The following PCDHGB6 variants were observed in gnomAD, a reference collection of about 807,000 sequenced individuals.
PCDHGB6 encodes the protein protocadherin gamma-B6.
A neutral mutation model predicts 59.1 loss-of-function variants in PCDHGB6; 51 were observed. The observed-to-expected ratio is 0.86, with a 90% CI of 0.69 to 1.09. The LOEUF is 1.09. Among genes scored for constraint, PCDHGB6 ranks in the 50% least tolerant of loss-of-function variants. The probability of loss-of-function intolerance (pLI) is 0.00; values close to 1 mark genes in which losing one functional copy is unlikely to be tolerated. For synonymous variants in PCDHGB6, 466 were observed against 495.1 expected (o/e 0.94, Z 0.78); for missense variants, 1,148 against 1,205.1 (o/e 0.95, Z 0.70).
At chr5:141,418,800 G>A in intron 1 of PCDHGB6, 1 of 1,613,800 alleles carries the variant, frequency 6.2e-7, no homozygotes, top group African/African-American at 1.3e-5. Context: ...GAAGTAGAAA[G>A]ATATACGATA....
chr5:141,436,240 G>A (rs192988618), intron 1 of PCDHGB6, among the ~76,000 whole-genome samples: 2 of 152,200 alleles, frequency 1.3e-5, no homozygotes, highest in East Asian at 3.9e-4. Flanking sequence ...AGCTAACATG[G>A]TCTAATTATT....
At chr5:141,494,524 C>T (rs2099754936) in intron 1 of PCDHGB6, among the ~76,000 whole-genome samples, 1 of 152,156 alleles carries the variant, frequency 6.6e-6, no homozygotes, top group African/African-American at 2.4e-5. Flanking sequence ...GGAGTTCTGA[C>T]TCTGGGGGCA....
chr5:141,410,793 G>T, intron 1 of PCDHGB6, 173 bp downstream of exon 1: 2 of 637,704 alleles, frequency 3.1e-6, no homozygotes, highest in Admixed American at 4.3e-5. Flanking sequence ...TGGTTCATAA[G>T]TTGCTCTATC....
chr5:141,491,598 C>T lies in PCDHGB6; in HGVS notation c.2419-3209C>T, dbSNP rs1410472886. On this transcript the variant is annotated intron_variant, in intron 1 of 3. Transcript: ENST00000520790. This position sits in a 1 kb window ranked among gnomAD's most constrained non-coding sequence, Gnocchi z 6.9. ...TTTCACCGGCCTCGGACGGCAGTGA[C>T]TTCACTTTTCTAAGACCCCTCAGCG... 1.4e-5 allele frequency: 22 copies of T among 1,613,872 alleles called. No homozygotes were observed. The highest frequency in any genetic ancestry group is 1.8e-5 in the Non-Finnish European group (21 of 1,180,048).
In PCDHGB6 at chr5:141,476,299, C is replaced by T; in HGVS notation, c.2419-18508C>T. ...ACCTTGGTTTGGATCTCGGTAGCCT[C>T]TCAGCCCGCAGGTTCCGGGTGGTGT... On this transcript the variant is annotated intron_variant, in intron 1 of 3. Transcript: ENST00000520790. The surrounding 1 kb of genome is among the most constrained non-coding windows in gnomAD (Gnocchi z 7.6). The T allele has an allele frequency of 6.2e-7, 1 of 1,614,100 alleles. No individual in the cohort carries two copies. The highest frequency in any genetic ancestry group is 1.1e-5 in the South Asian group (1 of 91,074).
In PCDHGB6 at chr5:141,409,017, G is replaced by T. The variant is rs745981387; in HGVS notation, c.815G>T (p.Gly272Val). 5 of 1,613,840 alleles carry T rather than the reference G, an allele frequency of 3.1e-6. No individual in the cohort carries two copies. Among genetic ancestry groups the T allele is most frequent in the Non-Finnish European group, 4.2e-6 (5 of 1,179,894 alleles). The change falls in exon 1 of 4, where the codon GGG (glycine) becomes GTG (valine). Residue 272 changes from glycine to valine, a missense_variant. This residue lies in a region of PCDHGB6 where 549 missense variants were observed against 527.5 expected (regional missense o/e 1.04). Transcript: ENST00000520790. ...LQVTATDQDEGVNAEINYYFR... is the reference protein window; with the variant it reads ...LQVTATDQDEVVNAEINYYFR... Reference sequence around the variant, plus strand: ...GTGACAGCCACTGACCAGGATGAGGGGGTCAATGCTGAGATAAACTACTAC... The same window carrying T: ...GTGACAGCCACTGACCAGGATGAGGTGGTCAATGCTGAGATAAACTACTAC...
chr5:141,434,073 A>G (rs1372471160), intron 1 of PCDHGB6, among the ~76,000 whole-genome samples: 2 of 152,058 alleles, frequency 1.3e-5, no homozygotes, highest in African/African-American at 4.8e-5. Flanking sequence ...GTTAATATCA[A>G]TTATTTATTT....
chr5:141,479,466 C>G (rs1004384273), intron 1 of PCDHGB6: 1 of 152,224 alleles, frequency 6.6e-6, no homozygotes, highest in Non-Finnish European at 1.5e-5. Flanking sequence ...AATACAGTGA[C>G]CTCTTGGGAG....
intron 2 of PCDHGB6, among the ~76,000 whole-genome samples, chr5:141,495,826 A>G (rs1190417828): frequency 6.6e-6 from 1 of 150,888 alleles, no homozygotes; most frequent in African/African-American, 2.4e-5. Flanking sequence ...GTGTTCTTCT[A>G]TCCCCAGCCT....
At position 141,433,275 on chromosome 5, in the gene PCDHGB6, C is replaced by G. The variant is rs1173546273; in HGVS notation, c.2418+22655C>G. 1.5e-5 allele frequency: 19 copies of G among 1,229,998 alleles called. No homozygotes were observed. In the East Asian group the frequency reaches 3.6e-4, roughly 23 times the overall value. The allele number at this position is 1,229,998 out of a possible 1,614,324, so 76.2% of individuals were successfully genotyped here. A position where few individuals can be genotyped will look rare whatever the true frequency, so the allele number is the denominator to read the frequency against. On this transcript the variant is annotated intron_variant, in intron 1 of 3. Transcript: ENST00000520790. ...GCGGTACGATCATAGCTCACTGCAG[C>G]CTCAAACTCCTAGGCTCAAGCAATT...
intron 1 of PCDHGB6, chr5:141,426,867 G>A (rs1436078091): frequency 4.4e-6 from 2 of 456,708 alleles, no homozygotes; most frequent in Non-Finnish European, 8.8e-6. Flanking sequence ...ATTAGTGCTG[G>A]AGAAGCCCCT....
At position 141,511,216 on chromosome 5, in the gene PCDHGB6, C is replaced by G. The variant is rs374915167; in HGVS notation, c.*43C>G. Reference sequence around the variant, plus strand: ...GAGCCACAGGGCGGCCTCTCCCCAACCAGCCCAGCTTCTCCTTACCTGCAC... The same window carrying G: ...GAGCCACAGGGCGGCCTCTCCCCAAGCAGCCCAGCTTCTCCTTACCTGCAC... On this transcript the variant is annotated 3_prime_UTR_variant, in exon 4 of 4. Coordinates refer to ENST00000520790, the MANE Select transcript of PCDHGB6 (RefSeq NM_018926.3). 4.2e-5 allele frequency: 68 copies of G among 1,608,004 alleles called. No individual in the cohort carries two copies. The highest frequency in any genetic ancestry group is 6.7e-5 in the East Asian group (3 of 44,538).
At chr5:141,434,193 T>G (rs2097677103) in intron 1 of PCDHGB6, among the ~76,000 whole-genome samples, 1 of 152,246 alleles carries the variant, frequency 6.6e-6, no homozygotes, top group South Asian at 2.1e-4. Flanking sequence ...GTAATTCCAA[T>G]GTACTTACTT....
intron 1 of PCDHGB6, among the ~76,000 whole-genome samples, chr5:141,464,300 A>G (rs1349155102): frequency 2.0e-5 from 3 of 149,898 alleles, no homozygotes; most frequent in East Asian, 1.9e-4. Context: ...ACTCCATTGT[A>G]TGTGCACATA....
intron 1 of PCDHGB6, chr5:141,416,811 A>C (rs1355425793): frequency 2.6e-5 from 4 of 152,188 alleles, no homozygotes; most frequent in Non-Finnish European, 5.9e-5. Context: ...AAAGTCAAAA[A>C]GCATTCCGAA....
At chr5:141,457,116 C>T (rs933634563) in intron 1 of PCDHGB6, among the ~76,000 whole-genome samples, 5 of 152,176 alleles carry the variant, frequency 3.3e-5, no homozygotes, top group Non-Finnish European at 7.3e-5. Flanking sequence ...AATACGACAG[C>T]AATGGAAACT....
At chr5:141,448,692 G>A (rs913533738) in intron 1 of PCDHGB6, among the ~76,000 whole-genome samples, 6 of 152,072 alleles carry the variant, frequency 3.9e-5, no homozygotes, top group African/African-American at 9.7e-5. Context: ...TGTAATCGCA[G>A]CACTTTGGGA....
chr5:141,473,116 G>A (rs966472502), intron 1 of PCDHGB6, among the ~76,000 whole-genome samples: 19 of 152,114 alleles, frequency 1.2e-4, no homozygotes, highest in African/African-American at 4.6e-4. Context: ...ACTTTACTTG[G>A]CTCTTTGGCA....
intron 1 of PCDHGB6, among the ~76,000 whole-genome samples, chr5:141,430,066 G>C (rs550834063): frequency 6.6e-6 from 1 of 151,984 alleles, no homozygotes; most frequent in Non-Finnish European, 1.5e-5. Flanking sequence ...TCATTTTTAG[G>C]TTTCCATAAT....
Sources: allele counts gnomAD v4.1 joint callset (sites outside exome capture counted in the v4.1 genomes callset), GRCh38; gene constraint gnomAD v4.1.1; regional missense constraint gnomAD v4.1.1; non-coding constraint Gnocchi (gnomAD v3.1); transcripts MANE v1.5; gene names NCBI Gene and HGNC (gene_info 2026-07-23, HGNC 2026-07-21).